BACH2: variants seen among roughly 807,000 people sequenced by gnomAD.
BACH2 encodes BACH transcriptional regulator 2.
A neutral mutation model predicts 61.8 loss-of-function variants in BACH2; 5 were observed. The ratio of observed to expected loss-of-function variants is 0.08; its 90% CI spans 0.04 to 0.17. BACH2 has a LOEUF of 0.17. BACH2 is among the 10% of genes least tolerant of loss of function. The pLI, the probability that BACH2 is intolerant of heterozygous loss-of-function variation, is 1.00. For missense variants in BACH2, 824 were observed against 1,091.1 expected (o/e 0.76, Z 3.45); for synonymous variants, 446 against 440.1 (o/e 1.01, Z -0.17).
At chr6:90,009,235 T>C (rs1026864345) in intron 5 of BACH2, among the ~76,000 whole-genome samples, 2 of 152,260 alleles carry the variant, frequency 1.3e-5, no homozygotes, top group Admixed American at 1.3e-4. Flanking sequence ...ATAGCCTCTA[T>C]GCAAGGACTA....
At chr6:90,091,197 G>C (rs1277847514) in intron 4 of BACH2, among the ~76,000 whole-genome samples, 3 of 152,280 alleles carry the variant, frequency 2.0e-5, no homozygotes, top group African/African-American at 4.8e-5. Flanking sequence ...TCACAAGCTT[G>C]ATCTTTCCAC....
intron 6 of BACH2, among the ~76,000 whole-genome samples, chr6:89,973,433 T>C (rs1775480714): frequency 6.6e-6 from 1 of 152,176 alleles, no homozygotes; most frequent in Non-Finnish European, 1.5e-5. Flanking sequence ...ACCTACCAGT[T>C]CTATGACCAG....
chr6:90,212,602 T>G (rs1400620549), intron 3 of BACH2, among the ~76,000 whole-genome samples: 1 of 152,182 alleles, frequency 6.6e-6, no homozygotes, highest in Non-Finnish European at 1.5e-5. Context: ...AAAACAGACA[T>G]TCTAAGCCAG....
At chr6:90,084,095 G>T (rs1781829524) in intron 5 of BACH2, among the ~76,000 whole-genome samples, 1 of 149,132 alleles carries the variant, frequency 6.7e-6, no homozygotes. Context: ...AGGGTGGGGT[G>T]TGTGGGAGGG....
At chr6:89,985,974 G>A (rs1409659931) in intron 6 of BACH2, among the ~76,000 whole-genome samples, 1 of 152,236 alleles carries the variant, frequency 6.6e-6, no homozygotes, top group East Asian at 1.9e-4. Context: ...AGGGATGCGG[G>A]TGTGGGCTGC....
intron 3 of BACH2, among the ~76,000 whole-genome samples, chr6:90,209,868 C>T (rs9344995): frequency 0.1 from 15,141 of 152,106 alleles, 1,102 homozygotes; most frequent in East Asian, 0.38. Flanking sequence ...ACACACAGAA[C>T]GTTTTAAAAT....
intron 4 of BACH2, among the ~76,000 whole-genome samples, chr6:90,174,374 CAAAGA>C (rs1767920134): frequency 6.6e-6 from 1 of 151,778 alleles, no homozygotes; most frequent in South Asian, 2.1e-4. Flanking sequence ...ATGATTAAAA[CAAAGA>C]ATAGAAAGAA....
chr6:90,122,978 T>C (rs1783693856), intron 4 of BACH2, among the ~76,000 whole-genome samples: 2 of 152,218 alleles, frequency 1.3e-5, no homozygotes, highest in African/African-American at 4.8e-5. Context: ...TTCAAAACTG[T>C]TGTTGAATAG....
At chr6:90,025,468 T>C (rs763992073) in intron 5 of BACH2, among the ~76,000 whole-genome samples, 5 of 152,240 alleles carry the variant, frequency 3.3e-5, no homozygotes, top group Non-Finnish European at 7.3e-5. Context: ...TCACTTCTCA[T>C]ACATTAATCT....
At position 89,951,889 on chromosome 6, in the gene BACH2, A is replaced by G. The variant is rs553491627; in HGVS notation, c.244-27T>C. The stretch of plus-strand genomic sequence containing the variant: ...TGCAAAACAAACAGGGAAATCGCCA[A>G]CATTACCATCAGCACTGCTATTGTC... On this transcript the variant is annotated intron_variant, in intron 6 of 8. Transcript: ENST00000257749. This position sits in a 1 kb window ranked among gnomAD's most constrained non-coding sequence, Gnocchi z 6.4. 8 of 1,598,648 alleles carry G rather than the reference A, an allele frequency of 5.0e-6. No individual in the cohort carries two copies. In the East Asian group the frequency reaches 1.1e-4, roughly 22 times the overall value.
At chr6:89,989,988 T>G (rs548479209) in intron 6 of BACH2, among the ~76,000 whole-genome samples, 28 of 152,250 alleles carry the variant, frequency 1.8e-4, no homozygotes, top group Non-Finnish European at 1.5e-5. Context: ...TCTGTGAAAT[T>G]TAGTCACATG....
At chr6:90,155,849 C>A (rs893398885) in intron 4 of BACH2, among the ~76,000 whole-genome samples, 1 of 152,126 alleles carries the variant, frequency 6.6e-6, no homozygotes, top group Admixed American at 6.5e-5. Context: ...ACATCCCATG[C>A]ATTGAGAACA....
intron 4 of BACH2, among the ~76,000 whole-genome samples, chr6:90,202,809 G>A (rs1253116860): frequency 6.6e-6 from 1 of 152,142 alleles, no homozygotes; most frequent in African/African-American, 2.4e-5. Context: ...TCTTTCAAGA[G>A]AAGAACAACA....
At chr6:90,204,148 G>A (rs886210088) in intron 4 of BACH2, among the ~76,000 whole-genome samples, 1 of 152,068 alleles carries the variant, frequency 6.6e-6, no homozygotes, top group Non-Finnish European at 1.5e-5. Flanking sequence ...CCCTCCATCC[G>A]AACACCTCCC....
intron 4 of BACH2, among the ~76,000 whole-genome samples, chr6:90,140,952 C>T (rs1217825205): frequency 6.6e-6 from 1 of 152,054 alleles, no homozygotes; most frequent in Non-Finnish European, 1.5e-5. Context: ...CTTATCTATG[C>T]AGATATTCAT....
rs191181965 is a variant in BACH2, at chr6:90,213,025, T to A, written c.-274-6344A>T. Among the ~76,000 whole-genome samples, 24 of 152,318 alleles carry A rather than the reference T, an allele frequency of 1.6e-4. 1 individual carries two copies. The East Asian group carries it at 4.3e-3, about 27-fold the overall frequency. The stretch of plus-strand genomic sequence containing the variant: ...CAGTCTCCAGTGATTTAGGACTATC[T>A]CAATTTAAAGGCACAACACAGAGGA... On this transcript the variant is annotated intron_variant, in intron 3 of 8. Transcript: ENST00000257749.
intron 4 of BACH2, among the ~76,000 whole-genome samples, chr6:90,169,120 G>A (rs1211877926): frequency 6.6e-6 from 1 of 151,454 alleles, no homozygotes; most frequent in African/African-American, 2.4e-5. Flanking sequence ...GGAGCTGCAG[G>A]TATATAACAA....
chr6:89,974,036 G>C (rs750254499), intron 6 of BACH2, among the ~76,000 whole-genome samples: 6 of 152,054 alleles, frequency 3.9e-5, no homozygotes, highest in Non-Finnish European at 7.4e-5. Context: ...AGAGAAACTT[G>C]AACTAGAGCT....
Position 89,932,444 on chromosome 6 carries a change from A to G in BACH2, c.2490T>C (p.Cys830=), listed in dbSNP as rs756574688. Reference sequence around the variant, plus strand: ...CTTTCCTGGGCTGTTCGTCAGTTGTACACTTATCAGTCATTTCCTGGCAGA... The same window carrying G: ...CTTTCCTGGGCTGTTCGTCAGTTGTGCACTTATCAGTCATTTCCTGGCAGA... ...VDFCQEMTDK[C]TTDEQPRKDY... The change falls in exon 9 of 9, where the codon TGT becomes TGC. Residue 830 remains cysteine, a synonymous_variant. Transcript: ENST00000257749. The G allele has an allele frequency of 6.2e-7, 1 of 1,614,138 alleles. No homozygotes were observed. Among genetic ancestry groups the G allele is most frequent in the East Asian group, 2.2e-5 (1 of 44,888 alleles).
Sources: allele counts gnomAD v4.1 joint callset (sites outside exome capture counted in the v4.1 genomes callset), GRCh38; gene constraint gnomAD v4.1.1; non-coding constraint Gnocchi (gnomAD v3.1); transcripts MANE v1.5; gene names NCBI Gene and HGNC (gene_info 2026-07-23, HGNC 2026-07-21).